Variants in ARHGAP17 observed in about 807,000 individuals in gnomAD.
The protein encoded by ARHGAP17 is rho GTPase-activating protein 17.
In ARHGAP17, 57 loss-of-function variants were observed where a neutral mutation model predicts 99.5. The observed-to-expected ratio is 0.57, with a 90% CI of 0.46 to 0.71. The LOEUF is 0.71. ARHGAP17 is among the 30% of genes least tolerant of loss of function. The pLI is 0.00. For missense variants in ARHGAP17, 1,000 were observed against 1,122.4 expected, an observed-to-expected ratio of 0.89 and a Z score of 1.56; for synonymous variants, 417 against 429.6, an observed-to-expected ratio of 0.97 and a Z score of 0.36.
In ARHGAP17 at chr16:24,931,358, A is replaced by G; in HGVS notation, c.1941T>C (p.Pro647=). ...AACTCTGGCCCCCGGGGTGGCCAGG[A>G]GGTGGGTTGCCCGGTTTCGGGGGTG... ...APAPPKPGNP[P]PGHPGGQSSS... The change falls in exon 19 of 20, where the codon CCT becomes CCC. Residue 647 remains proline, a synonymous_variant. Transcript: ENST00000289968. 6.6e-7 allele frequency: 1 copy of G among 1,508,982 alleles called. No individual in the cohort carries two copies. Among genetic ancestry groups the G allele is most frequent in the South Asian group, 1.4e-5 (1 of 73,668 alleles). The allele number at this position is 1,508,982 out of a possible 1,614,324, so 93.5% of individuals were successfully genotyped here.
chr16:24,987,644 G>C (rs2052914137), intron 1 of ARHGAP17, among the ~76,000 whole-genome samples: 1 of 151,770 alleles, frequency 6.6e-6, no homozygotes, highest in Non-Finnish European at 1.5e-5. Context: ...GCAAATATGT[G>C]GCCGAGGCGC....
At position 24,955,621 on chromosome 16, in the gene ARHGAP17, C is replaced by A. The variant is rs796689933; in HGVS notation, c.725-891G>T. The stretch of plus-strand genomic sequence containing the variant: ...GTGAAAACTGCTCCAGGGAGAAACA[C>A]TTAAATCTTTCCAACAACAGGAAGG... On this transcript the variant is annotated intron_variant, in intron 9 of 19. Transcript: ENST00000289968. This position sits in a 1 kb window ranked among gnomAD's most constrained non-coding sequence, Gnocchi z 4.0. 30 of 152,334 alleles carry A rather than the reference C, an allele frequency of 2.0e-4. No homozygotes were observed. Among genetic ancestry groups the A allele is most frequent in the African/African-American group, 6.7e-4 (28 of 41,558 alleles). 9.4% of individuals were successfully genotyped at this position (152,334 alleles called of 1,614,324 possible).
intron 3 of ARHGAP17, among the ~76,000 whole-genome samples, chr16:24,974,343 A>G (rs2052454397): frequency 6.6e-6 from 1 of 152,150 alleles, no homozygotes; most frequent in Non-Finnish European, 1.5e-5. Flanking sequence ...AGGTGGGAGA[A>G]TCGTTTGAAC....
At position 24,939,766 on chromosome 16, in the gene ARHGAP17, C is replaced by G; in HGVS notation, c.1491-169G>C. ...ATGGCCACCCCTGAGCAACTCCACTCGGCTTCAAGCCTGAGCAAAGCCAAT... is the reference window on the plus strand; with the variant it reads ...ATGGCCACCCCTGAGCAACTCCACTGGGCTTCAAGCCTGAGCAAAGCCAAT... On this transcript the variant is annotated intron_variant, in intron 16 of 19. Transcript: ENST00000289968. 5 of 683,616 alleles carry G rather than the reference C, an allele frequency of 7.3e-6. No homozygotes were observed. In the South Asian group the frequency reaches 8.7e-5, roughly 12 times the overall value. The allele number at this position is 683,616 out of a possible 1,614,324, so 42.3% of individuals were successfully genotyped here.
chr16:24,942,190 G>A lies in ARHGAP17; in HGVS notation c.1334-47C>T, dbSNP rs772486114. On this transcript the variant is annotated intron_variant, in intron 15 of 19. Transcript: ENST00000289968. ...AGTGCATGAGACACTGAGCACAGCAGGCGAGGGAGCTCTAAGACACCCCTC... is the reference window on the plus strand; with the variant it reads ...AGTGCATGAGACACTGAGCACAGCAAGCGAGGGAGCTCTAAGACACCCCTC... 9 of 1,552,196 alleles carry A rather than the reference G, an allele frequency of 5.8e-6. No individual in the cohort carries two copies. The South Asian group carries it at 9.9e-5, about 17-fold the overall frequency.
intron 19 of ARHGAP17, among the ~76,000 whole-genome samples, chr16:24,922,861 G>T (rs577935077): frequency 1.3e-5 from 2 of 151,846 alleles, no homozygotes; most frequent in Non-Finnish European, 2.9e-5. Context: ...ATTTTTGGTA[G>T]AGACAAGGTT....
intron 1 of ARHGAP17, among the ~76,000 whole-genome samples, chr16:24,998,703 C>A (rs13329750): frequency 0.04 from 6,030 of 152,244 alleles, 389 homozygotes; most frequent in African/African-American, 0.13. Context: ...CCACACTGCA[C>A]GACTGCAGGG....
intron 17 of ARHGAP17, chr16:24,936,630 C>G (rs2051147383): frequency 6.7e-6 from 1 of 150,296 alleles, no homozygotes; most frequent in African/African-American, 2.5e-5. Flanking sequence ...CGCTTGAACC[C>G]AGGAGGTGGA....
At position 24,919,501 on chromosome 16, in the gene ARHGAP17, A is replaced by G. The variant is rs2050664394; in HGVS notation, c.*629T>C. The G allele has an allele frequency of 6.6e-6, 1 of 152,438 alleles. No individual in the cohort carries two copies. The highest frequency in any genetic ancestry group is 2.1e-4 in the South Asian group (1 of 4,818). 9.4% of individuals were successfully genotyped at this position (152,438 alleles called of 1,614,324 possible). On this transcript the variant is annotated 3_prime_UTR_variant, in exon 20 of 20. Transcript: ENST00000289968. The stretch of plus-strand genomic sequence containing the variant: ...GTTTAAAAAAAAAAAAAAGAACAGT[A>G]CATTTCTGTCTACATTCCGACAATC...
chr16:24,927,856 A>G (rs1217251582), intron 19 of ARHGAP17: 1 of 295,580 alleles, frequency 3.4e-6, no homozygotes, highest in African/African-American at 2.2e-5. Context: ...TAGAGTCACA[A>G]TTAACAGGAG....
At chr16:25,003,034 G>A (rs867902964) in intron 1 of ARHGAP17, among the ~76,000 whole-genome samples, 4 of 58,818 alleles carry the variant, frequency 6.8e-5, no homozygotes, top group East Asian at 1.3e-3. Flanking sequence ...GCGAGACTCC[G>A]TCTCAAAAAA....
At chr16:25,012,693 A>G (rs1248446826) in intron 1 of ARHGAP17, among the ~76,000 whole-genome samples, 1 of 152,232 alleles carries the variant, frequency 6.6e-6, no homozygotes, top group African/African-American at 2.4e-5. Context: ...CACATCTAGG[A>G]AATCAACAGC....
intron 17 of ARHGAP17, 44 bp downstream of exon 17, chr16:24,939,320 T>A (rs778549625): frequency 6.6e-7 from 1 of 1,524,234 alleles, no homozygotes. Context: ...GCAAGAAGGC[T>A]GGGGCGTCCA....
At chr16:24,959,650 G>C in intron 9 of ARHGAP17, 21 bp downstream of exon 9, 2 of 1,611,524 alleles carry the variant, frequency 1.2e-6, no homozygotes, top group Non-Finnish European at 1.7e-6. Flanking sequence ...GGAAGCATCA[G>C]CCGCACGCGG....
intron 1 of ARHGAP17, among the ~76,000 whole-genome samples, chr16:25,010,025 A>G (rs1369761603): frequency 6.6e-6 from 1 of 152,092 alleles, no homozygotes; most frequent in Non-Finnish European, 1.5e-5. Context: ...GCCATGCCTC[A>G]GCCACTACTC....
Position 24,955,020 on chromosome 16 carries a change from A to T in ARHGAP17, c.725-290T>A. On this transcript the variant is annotated intron_variant, in intron 9 of 19. Coordinates refer to ENST00000289968, the MANE Select transcript of ARHGAP17 (RefSeq NM_001006634.3). This position sits in a 1 kb window ranked among gnomAD's most constrained non-coding sequence, Gnocchi z 4.0. ...CGCTGCACCTGCACCACACTTCATC[A>T]ACACACGCCAGCGGGTTTAGTGGGC... 2.7e-5 allele frequency: 9 copies of T among 335,382 alleles called. No homozygotes were observed. The South Asian group carries it at 3.6e-4, about 13-fold the overall frequency. 20.8% of individuals were successfully genotyped at this position (335,382 alleles called of 1,614,324 possible).
At chr16:24,962,823 T>C (rs566845980) in intron 7 of ARHGAP17, among the ~76,000 whole-genome samples, 3 of 152,286 alleles carry the variant, frequency 2.0e-5, no homozygotes, top group African/African-American at 7.2e-5. Flanking sequence ...TTTGAATAAC[T>C]AGAACTTCAG....
intron 10 of ARHGAP17, 26 bp from the exon 11 acceptor site, chr16:24,953,068 A>T (rs1054365550): frequency 6.2e-7 from 1 of 1,609,708 alleles, no homozygotes; most frequent in Non-Finnish European, 8.5e-7. Context: ...AGCCATCAGC[A>T]TCAAGTGCAG....
At position 24,919,816 on chromosome 16, in the gene ARHGAP17, G is replaced by A; in HGVS notation, c.*314C>T. The A allele has an allele frequency of 4.6e-6, 1 of 217,222 alleles. No homozygotes were observed. Among genetic ancestry groups the A allele is most frequent in the African/African-American group, 2.3e-5 (1 of 44,080 alleles). The allele number at this position is 217,222 out of a possible 1,614,324, so 13.5% of individuals were successfully genotyped here. A position where few individuals can be genotyped will look rare whatever the true frequency, so the allele number is the denominator to read the frequency against. Reference sequence around the variant, plus strand: ...TAGGTGCTGCCCGCATTAACAGCAGGGACAAAAGCTTCCTATGCGCGTTTC... The same window carrying A: ...TAGGTGCTGCCCGCATTAACAGCAGAGACAAAAGCTTCCTATGCGCGTTTC... On this transcript the variant is annotated 3_prime_UTR_variant, in exon 20 of 20. Coordinates refer to ENST00000289968, the MANE Select transcript of ARHGAP17 (RefSeq NM_001006634.3).
Sources: gnomAD v4.1 joint callset for allele counts (sites outside exome capture counted in the v4.1 genomes callset) on GRCh38, gnomAD v4.1.1 for gene constraint, Gnocchi (gnomAD v3.1) non-coding constraint, MANE v1.5 for transcripts, NCBI Gene and HGNC (gene_info 2026-07-23, HGNC 2026-07-21) for gene names.